Variants in CYFIP2 observed in about 807,000 individuals in gnomAD.
The protein encoded by CYFIP2 is cytoplasmic FMR1 interacting protein 2.
In CYFIP2, 29 loss-of-function variants were observed where a neutral mutation model predicts 158.7. That is an observed-to-expected ratio of 0.18 (90% CI 0.14 to 0.25). The LOEUF (loss-of-function observed/expected upper bound fraction) is 0.25, where lower values mean the gene tolerates loss of function less well. CYFIP2 is among the 10% of genes least tolerant of loss of function. The pLI, the probability that CYFIP2 is intolerant of heterozygous loss-of-function variation, is 1.00. For missense variants in CYFIP2, 852 were observed against 1,639.5 expected (o/e 0.52, Z 8.29); for synonymous variants, 585 against 617.6 (o/e 0.95, Z 0.78).
rs1457360863 is a variant in CYFIP2 at position 157,361,464 on chromosome 5, C to T, written c.2909-4C>T. 1 of 1,613,898 alleles carries T rather than the reference C, an allele frequency of 6.2e-7. No homozygotes were observed. The highest frequency in any genetic ancestry group is 2.2e-5 in the East Asian group (1 of 44,872). On this transcript the variant is annotated splice_polypyrimidine_tract_variant and splice_region_variant and intron_variant, in intron 25 of 30. Coordinates refer to ENST00000620254, the MANE Select transcript of CYFIP2 (RefSeq NM_001037333.3). This position sits in a 1 kb window ranked among gnomAD's most constrained non-coding sequence, Gnocchi z 4.4. ...CCCACTGACCACCCCGATTCACCTC[C>T]CAGGGATCCTGGAGTTCTTCCACCA...
chr5:157,304,556 AT>A, intron 8 of CYFIP2, 190 bp downstream of exon 8: 1 of 551,910 alleles, frequency 1.8e-6, no homozygotes. Flanking sequence ...TCCAGATGTC[AT>A]TAAGGCTATT....
intron 26 of CYFIP2, among the ~76,000 whole-genome samples, chr5:157,362,257 A>C (rs1347990440): frequency 6.6e-6 from 1 of 152,248 alleles, no homozygotes; most frequent in Non-Finnish European, 1.5e-5. Flanking sequence ...AGTTTAGAAC[A>C]AAGAACTGGA....
intron 8 of CYFIP2, among the ~76,000 whole-genome samples, chr5:157,305,698 A>T (rs1759159206): frequency 6.6e-6 from 1 of 152,096 alleles, no homozygotes; most frequent in Admixed American, 6.5e-5. Flanking sequence ...AATTTTTTGT[A>T]GAGTCAAGGT....
At chr5:157,381,383 C>A (rs1474835276) in intron 26 of CYFIP2, among the ~76,000 whole-genome samples, 1 of 150,968 alleles carries the variant, frequency 6.6e-6, no homozygotes, top group African/African-American at 2.4e-5. Context: ...AAAAATTAGC[C>A]AGGCATGATG....
chr5:157,297,504 CCT>C (rs1177241038), intron 5 of CYFIP2, among the ~76,000 whole-genome samples: 5 of 152,158 alleles, frequency 3.3e-5, no homozygotes, highest in Admixed American at 3.3e-4. Flanking sequence ...CAAGTAGGAC[CCT>C]GGTCAGAGTA....
chr5:157,372,890 CAG>C (rs896741053), intron 26 of CYFIP2, among the ~76,000 whole-genome samples: 2 of 152,116 alleles, frequency 1.3e-5, no homozygotes, highest in African/African-American at 2.4e-5. Flanking sequence ...GGAATACTAA[CAG>C]AGAAACACAC....
intron 13 of CYFIP2, among the ~76,000 whole-genome samples, chr5:157,318,243 T>A (rs1386880912): frequency 6.6e-6 from 1 of 152,236 alleles, no homozygotes; most frequent in Non-Finnish European, 1.5e-5. Flanking sequence ...ATTTGTCAGT[T>A]ATTTGGTGGT....
intron 8 of CYFIP2, among the ~76,000 whole-genome samples, chr5:157,306,907 A>C (rs1759277609): frequency 2.6e-5 from 4 of 151,538 alleles, no homozygotes. Flanking sequence ...AAAAAAAAAA[A>C]AACCGGAAAT....
intron 23 of CYFIP2, among the ~76,000 whole-genome samples, chr5:157,352,765 T>A (rs1227586533): frequency 1.3e-5 from 2 of 152,226 alleles, no homozygotes; most frequent in East Asian, 1.9e-4. Flanking sequence ...AAAGAGGTCT[T>A]TGGAGATGTG....
chr5:157,340,071 G>A (rs1307422954), intron 22 of CYFIP2, among the ~76,000 whole-genome samples: 3 of 152,260 alleles, frequency 2.0e-5, no homozygotes, highest in Non-Finnish European at 4.4e-5. Context: ...GCACACATAC[G>A]CATGACAAAG....
intron 3 of CYFIP2, chr5:157,288,797 A>G (rs1757598016): frequency 8.7e-6 from 3 of 344,480 alleles, no homozygotes; most frequent in South Asian, 6.7e-5. Flanking sequence ...CCTTTGCTCC[A>G]GACTATGCCT....
At chr5:157,390,285 T>G (rs1401616718) in intron 29 of CYFIP2, among the ~76,000 whole-genome samples, 1 of 149,788 alleles carries the variant, frequency 6.7e-6, no homozygotes, top group Non-Finnish European at 1.5e-5. Flanking sequence ...TTTTTTTTTT[T>G]ACATTAGTGA....
chr5:157,324,327 TTAG>T (rs1348037279), intron 16 of CYFIP2, among the ~76,000 whole-genome samples: 3 of 152,218 alleles, frequency 2.0e-5, no homozygotes, highest in Non-Finnish European at 4.4e-5. Context: ...CATAAAGTCC[TTAG>T]TAGAGCGGGA....
At chr5:157,365,770 C>T (rs964396348) in intron 26 of CYFIP2, among the ~76,000 whole-genome samples, 2 of 61,470 alleles carry the variant, frequency 3.3e-5, no homozygotes, top group Non-Finnish European at 7.6e-5. Flanking sequence ...AGTATGTTTT[C>T]CCTTTCCTTT....
At chr5:157,325,832 C>A in intron 17 of CYFIP2, 194 bp downstream of exon 17, 1 of 607,112 alleles carries the variant, frequency 1.6e-6, no homozygotes, top group Non-Finnish European at 2.7e-6. Flanking sequence ...GTTTCCCAGC[C>A]CAACTGCCCT....
At chr5:157,359,847 T>A (rs1403747220) in intron 24 of CYFIP2, among the ~76,000 whole-genome samples, 1 of 152,224 alleles carries the variant, frequency 6.6e-6, no homozygotes, top group Non-Finnish European at 1.5e-5. Flanking sequence ...AACCATGGGT[T>A]GTTACAGATT....
intron 1 of CYFIP2, among the ~76,000 whole-genome samples, chr5:157,272,113 A>T (rs1194475460): frequency 6.6e-6 from 1 of 152,220 alleles, no homozygotes; most frequent in Non-Finnish European, 1.5e-5. Flanking sequence ...ATGGCAAACG[A>T]AGGGGAAAGT....
At chr5:157,353,815 C>T (rs1026786531) in intron 23 of CYFIP2, among the ~76,000 whole-genome samples, 1 of 152,152 alleles carries the variant, frequency 6.6e-6, no homozygotes, top group African/African-American at 2.4e-5. Flanking sequence ...TTTAATTCCT[C>T]TTGGGATCTC....
At position 157,328,343 on chromosome 5, in the gene CYFIP2, T is replaced by C. The variant is rs557677914; in HGVS notation, c.2156+294T>C. Among the ~76,000 whole-genome samples the C allele has an allele frequency of 1.3e-3, 193 of 152,332 alleles. 1 individual carries two copies. The highest frequency in any genetic ancestry group is 4.1e-3 in the African/African-American group (169 of 41,562). On this transcript the variant is annotated intron_variant, in intron 19 of 30. Coordinates refer to ENST00000620254, the MANE Select transcript of CYFIP2 (RefSeq NM_001037333.3). Reference sequence around the variant, plus strand: ...GGGAAAAGCTCATGGGAATGTACGATGGTTAAACCTTTGGGGGCGGGGAAC... The same window carrying C: ...GGGAAAAGCTCATGGGAATGTACGACGGTTAAACCTTTGGGGGCGGGGAAC...
Sources: allele counts gnomAD v4.1 joint callset (sites outside exome capture counted in the v4.1 genomes callset), GRCh38; gene constraint gnomAD v4.1.1; non-coding constraint Gnocchi (gnomAD v3.1); transcripts MANE v1.5; gene names NCBI Gene and HGNC (gene_info 2026-07-23, HGNC 2026-07-21).